MACROD2: variants seen among roughly 807,000 people sequenced by gnomAD.
MACROD2 encodes the protein ADP-ribose glycohydrolase MACROD2.
In MACROD2, 36 loss-of-function variants were observed where a neutral mutation model predicts 70.4. The ratio of observed to expected loss-of-function variants is 0.51; its 90% confidence interval spans 0.39 to 0.68. The LOEUF is 0.68. Ranked by LOEUF, MACROD2 falls within the 30% of genes least tolerant of loss-of-function variation. The pLI, the probability that MACROD2 is intolerant of heterozygous loss-of-function variation, is 0.00. For synonymous variants in MACROD2, 172 were observed against 178.8 expected (o/e 0.96, Z 0.30); for missense variants, 496 against 538.4 (o/e 0.92, Z 0.78).
intron 8 of MACROD2, among the ~76,000 whole-genome samples, chr20:15,581,154 T>G (rs574010583): frequency 6.6e-6 from 1 of 152,274 alleles, no homozygotes; most frequent in South Asian, 2.1e-4. Context: ...GGAAGGGAGA[T>G]GTCAGAGAGA....
intron 8 of MACROD2, among the ~76,000 whole-genome samples, chr20:15,694,779 T>C (rs1373269685): frequency 6.6e-6 from 1 of 152,254 alleles, no homozygotes; most frequent in Non-Finnish European, 1.5e-5. Context: ...TTCTTGGTCA[T>C]GAAATCCTTG....
At chr20:15,529,184 G>A (rs1165248704) in intron 8 of MACROD2, among the ~76,000 whole-genome samples, 1 of 152,114 alleles carries the variant, frequency 6.6e-6, no homozygotes, top group Non-Finnish European at 1.5e-5. Context: ...GCTGGAAGTA[G>A]ACAGTTCTTG....
At chr20:15,443,208 G>A (rs915113512) in intron 7 of MACROD2, among the ~76,000 whole-genome samples, 1 of 152,210 alleles carries the variant, frequency 6.6e-6, no homozygotes, top group Non-Finnish European at 1.5e-5. Context: ...CATACCAGGA[G>A]TCCTGAGCAG....
At chr20:15,738,230 G>A (rs1353854673) in intron 8 of MACROD2, among the ~76,000 whole-genome samples, 1 of 152,140 alleles carries the variant, frequency 6.6e-6, no homozygotes, top group Non-Finnish European at 1.5e-5. Flanking sequence ...AAATGTTTGA[G>A]GTGATAGATA....
Position 14,735,366 on chromosome 20 carries a change from C to G in MACROD2, c.418+50407C>G, listed in dbSNP as rs1385142703. ...CTAAAGAAGGTATACGAATGGCCAA[C>G]AAGCACATGAAGCACATGAACAGGC... On this transcript the variant is annotated intron_variant, in intron 5 of 17. Coordinates refer to ENST00000684519, the MANE Select transcript of MACROD2 (RefSeq NM_001351661.2). Among the ~76,000 whole-genome samples, 10 of 152,258 alleles carry G rather than the reference C, an allele frequency of 6.6e-5. No individual in the cohort carries two copies. In the East Asian group the frequency reaches 7.7e-4, roughly 12 times the overall value.
intron 3 of MACROD2, among the ~76,000 whole-genome samples, chr20:14,394,583 T>G (rs1490476214): frequency 2.6e-5 from 4 of 152,200 alleles, no homozygotes; most frequent in Non-Finnish European, 5.9e-5. Flanking sequence ...CTTTTTTTAG[T>G]GTCTTATATT....
At chr20:14,746,102 A>G (rs574666938) in intron 5 of MACROD2, among the ~76,000 whole-genome samples, 1 of 152,248 alleles carries the variant, frequency 6.6e-6, no homozygotes, top group East Asian at 1.9e-4. Context: ...ATGGAAAACA[A>G]CAAAGTTAAC....
chr20:15,001,976 T>TACAC (rs1324157048), intron 5 of MACROD2, among the ~76,000 whole-genome samples: 2 of 151,508 alleles, frequency 1.3e-5, no homozygotes, highest in Admixed American at 1.3e-4. Flanking sequence ...CACACACATA[T>TACAC]ACACACACAC....
chr20:15,321,800 G>T (rs1444970720), intron 6 of MACROD2, among the ~76,000 whole-genome samples: 1 of 143,828 alleles, frequency 7.0e-6, no homozygotes. Context: ...TTTTGTTGTT[G>T]TTGTTTTTTT....
chr20:14,291,420 A>C (rs1302532762), intron 3 of MACROD2, among the ~76,000 whole-genome samples: 1 of 149,226 alleles, frequency 6.7e-6, no homozygotes, highest in East Asian at 1.9e-4. Context: ...AAGATGTTCC[A>C]GACAGAAGAT....
At chr20:15,326,672 T>TG (rs1197917931) in intron 6 of MACROD2, among the ~76,000 whole-genome samples, 2 of 152,052 alleles carry the variant, frequency 1.3e-5, no homozygotes, top group Admixed American at 1.3e-4. Flanking sequence ...AAGACAAGGA[T>TG]GGGGCTCTAA....
At chr20:14,671,172 T>G (rs6074775) in intron 4 of MACROD2, among the ~76,000 whole-genome samples, 26 of 152,310 alleles carry the variant, frequency 1.7e-4, no homozygotes, top group Non-Finnish European at 3.4e-4. Flanking sequence ...CCAATCTATG[T>G]CATAATGACA....
intron 5 of MACROD2, among the ~76,000 whole-genome samples, chr20:14,724,085 G>T (rs1031539383): frequency 1.3e-5 from 2 of 152,028 alleles, no homozygotes; most frequent in Admixed American, 1.3e-4. Flanking sequence ...GACTATGAAT[G>T]TTTTGTAACA....
At chr20:14,780,418 C>T (rs1046612985) in intron 5 of MACROD2, among the ~76,000 whole-genome samples, 4 of 151,960 alleles carry the variant, frequency 2.6e-5, no homozygotes, top group Admixed American at 6.6e-5. Flanking sequence ...CAAACTTAGT[C>T]GGGCGTGGTG....
chr20:15,793,613 C>T (rs2063645869), intron 8 of MACROD2, among the ~76,000 whole-genome samples: 1 of 151,656 alleles, frequency 6.6e-6, no homozygotes, highest in Non-Finnish European at 1.5e-5. Context: ...TTTTTAGTTG[C>T]TCCTTAAATA....
intron 3 of MACROD2, among the ~76,000 whole-genome samples, chr20:14,294,552 A>G (rs1459048446): frequency 1.3e-5 from 2 of 151,716 alleles, no homozygotes; most frequent in Admixed American, 1.3e-4. Context: ...TTTTTGATAC[A>G]TTAATAGGAA....
At chr20:14,814,479 T>C (rs569965943) in intron 5 of MACROD2, among the ~76,000 whole-genome samples, 101 of 152,214 alleles carry the variant, frequency 6.6e-4, no homozygotes, top group African/African-American at 2.1e-3. Flanking sequence ...GACATTCTAC[T>C]GGTCTGTGGA....
chr20:15,910,346 G>C (rs867767358), intron 10 of MACROD2, among the ~76,000 whole-genome samples: 3 of 152,006 alleles, frequency 2.0e-5, no homozygotes, highest in African/African-American at 7.3e-5. Context: ...TGTGTCATCA[G>C]AGAAGTAATG....
At chr20:14,682,966 GC>G (rs2123591577) in intron 4 of MACROD2, among the ~76,000 whole-genome samples, 2 of 152,090 alleles carry the variant, frequency 1.3e-5, no homozygotes, top group South Asian at 4.1e-4. Context: ...TGCAACCTCC[GC>G]CTCCTAGGTT....
Sources: gnomAD v4.1 joint callset for allele counts (sites outside exome capture counted in the v4.1 genomes callset) on GRCh38, gnomAD v4.1.1 for gene constraint, MANE v1.5 for transcripts, NCBI Gene and HGNC (gene_info 2026-07-23, HGNC 2026-07-21) for gene names.